The following MYO9A variants were observed in gnomAD, a reference collection of about 807,000 sequenced individuals.
MYO9A encodes the protein myosin IXA, also known as unconventional myosin-IXa.
MYO9A carries 103 observed loss-of-function variants against 293.3 expected under a neutral mutation model. The ratio of observed to expected loss-of-function variants is 0.35; its 90% CI spans 0.30 to 0.41. The LOEUF (loss-of-function observed/expected upper bound fraction) is 0.41, where lower values mean the gene tolerates loss of function less well. Among genes scored for constraint, MYO9A ranks in the 10% least tolerant of loss-of-function variants. The probability of loss-of-function intolerance (pLI) is 1.00; values close to 1 mark genes in which losing one functional copy is unlikely to be tolerated. For synonymous variants in MYO9A, 1,001 were observed against 1,035.7 expected (o/e 0.97, Z 0.64); for missense variants, 2,685 against 3,033.0 (o/e 0.89, Z 2.69).
chr15:71,884,978 A>T (rs1325572624), intron 27 of MYO9A, among the ~76,000 whole-genome samples: 3 of 139,538 alleles, frequency 2.1e-5, no homozygotes, highest in African/African-American at 6.0e-5. Flanking sequence ...TTTTTTTTTA[A>T]AAAAAAGCTT....
chr15:71,965,743 AAAAC>A (rs760153421), intron 13 of MYO9A, among the ~76,000 whole-genome samples: 12 of 152,236 alleles, frequency 7.9e-5, no homozygotes, highest in Non-Finnish European at 1.2e-4. Context: ...ACTCCGTCTC[AAAAC>A]AAACAAACAA....
chr15:71,830,904 T>C (rs147759353), intron 39 of MYO9A, among the ~76,000 whole-genome samples: 222 of 151,714 alleles, frequency 1.5e-3, no homozygotes, highest in African/African-American at 4.7e-3. Context: ...AGGGTGCTAG[T>C]GAGATATATT....
chr15:72,001,191 G>T (rs1403174719), intron 8 of MYO9A, among the ~76,000 whole-genome samples: 1 of 152,086 alleles, frequency 6.6e-6, no homozygotes, highest in Non-Finnish European at 1.5e-5. Flanking sequence ...TTTTATAAAA[G>T]TATCCATACA....
chr15:72,109,457 G>A (rs554253954), intron 1 of MYO9A, among the ~76,000 whole-genome samples: 64 of 151,492 alleles, frequency 4.2e-4, no homozygotes, highest in African/African-American at 1.5e-3. Context: ...ATGGCATAAC[G>A]CTATCTTTTG....
intron 14 of MYO9A, among the ~76,000 whole-genome samples, chr15:71,952,675 G>A (rs1005903402): frequency 2.0e-5 from 3 of 152,124 alleles, no homozygotes; most frequent in Admixed American, 6.6e-5. Context: ...TTTATTCAGA[G>A]ATCACCTCTA....
intron 1 of MYO9A, among the ~76,000 whole-genome samples, chr15:72,090,664 T>C (rs1398021024): frequency 2.0e-5 from 3 of 152,194 alleles, no homozygotes; most frequent in Non-Finnish European, 4.4e-5. Context: ...CTGGGGTTTT[T>C]TGCAATATAA....
In MYO9A at chr15:71,898,871, G is replaced by A; in HGVS notation, c.3632C>T (p.Ser1211Phe). ...NRIKAIEECKSVIESNRISRE... is the reference protein window; with the variant it reads ...NRIKAIEECKFVIESNRISRE... Reference sequence around the variant, plus strand: ...GCTAATTCGATTACTCTCTATTACAGATTTACATTCCTCTATGGCTTTTAT... The same window carrying A: ...GCTAATTCGATTACTCTCTATTACAAATTTACATTCCTCTATGGCTTTTAT... Residue 1211 changes from serine to phenylalanine, a missense_variant, in exon 25 of 42, where the codon TCT (serine) becomes TTT (phenylalanine). By Grantham distance (155) the Ser-to-Phe change is radical. Transcript: ENST00000356056. The A allele has an allele frequency of 6.2e-7, 1 of 1,614,042 alleles. No individual in the cohort carries two copies. The highest frequency in any genetic ancestry group is 8.5e-7 in the Non-Finnish European group (1 of 1,179,982).
In MYO9A at chr15:71,897,464, G is replaced by C; in HGVS notation, c.5039C>G (p.Pro1680Arg). The stretch of plus-strand genomic sequence containing the variant: ...CATAAATAAACATTTCACTTACAGG[G>C]GAATACTCATATTGTCCTTTGGAGT... The part of the protein sequence containing the change: ...FFTPKDNMSI[P>R]LVSKEALNSK... The change falls in exon 25 of 42, where the codon CCC becomes CGC. Residue 1680 changes from proline to arginine, a missense_variant. This residue lies in a region of MYO9A where 1,434 missense variants were observed against 1,497.7 expected (regional missense o/e 0.96). Transcript: ENST00000356056. The C allele has an allele frequency of 1.9e-6, 3 of 1,602,678 alleles. No homozygotes were observed. The highest frequency in any genetic ancestry group is 2.6e-6 in the Non-Finnish European group (3 of 1,173,438).
At chr15:72,081,749 T>G (rs766001452) in intron 1 of MYO9A, among the ~76,000 whole-genome samples, 1 of 152,236 alleles carries the variant, frequency 6.6e-6, no homozygotes, top group Non-Finnish European at 1.5e-5. Context: ...CGTTTCAATC[T>G]TCTTCATACA....
At chr15:71,910,106 A>G (rs1327018352) in intron 19 of MYO9A, among the ~76,000 whole-genome samples, 2 of 143,038 alleles carry the variant, frequency 1.4e-5, no homozygotes, top group African/African-American at 5.4e-5. Flanking sequence ...ATATACGTAT[A>G]TATATACGTG....
chr15:72,070,210 G>A (rs920953501), intron 1 of MYO9A, among the ~76,000 whole-genome samples: 2 of 151,938 alleles, frequency 1.3e-5, no homozygotes, highest in Admixed American at 1.3e-4. Context: ...GGGAGGCCGA[G>A]GCAGATGGAT....
At chr15:71,978,360 GA>G (rs1408584718) in intron 11 of MYO9A, 68 bp from the exon 12 acceptor site, 2 of 1,347,024 alleles carry the variant, frequency 1.5e-6, no homozygotes, top group African/African-American at 3.0e-5. Flanking sequence ...AATATAGATT[GA>G]AAAGCTTTTA....
intron 15 of MYO9A, 72 bp from the exon 16 acceptor site, chr15:71,938,999 A>T (rs1225272024): frequency 3.4e-6 from 4 of 1,181,968 alleles, no homozygotes; most frequent in South Asian, 1.4e-5. Context: ...AGTTTTTCTA[A>T]AGACAAACGA....
At chr15:71,956,330 A>AAATATATATAT (rs10642655) in intron 14 of MYO9A, among the ~76,000 whole-genome samples, 3 of 75,580 alleles carry the variant, frequency 4.0e-5, no homozygotes, top group African/African-American at 1.2e-4. Context: ...AAAAAAAAAA[A>AAATATATATAT]ATATATATAT....
intron 19 of MYO9A, among the ~76,000 whole-genome samples, chr15:71,909,005 T>C (rs2057755986): frequency 1.3e-5 from 2 of 152,304 alleles, no homozygotes; most frequent in Admixed American, 6.5e-5. Flanking sequence ...TGGAATCTTA[T>C]GGTATGTAGC....
chr15:72,059,036 T>C (rs2149943666), intron 1 of MYO9A, among the ~76,000 whole-genome samples: 1 of 152,354 alleles, frequency 6.6e-6, no homozygotes, highest in East Asian at 1.9e-4. Context: ...TTAAAATCTT[T>C]ATCAAATGTT....
At chr15:71,903,828 T>C (rs2057552233) in intron 21 of MYO9A, 101 bp downstream of exon 21, 1 of 1,007,966 alleles carries the variant, frequency 9.9e-7, no homozygotes. Context: ...AAAGGAAGAA[T>C]TAAGGAAAAT....
At chr15:71,831,869 C>A (rs1315030884) in intron 39 of MYO9A, among the ~76,000 whole-genome samples, 1 of 152,160 alleles carries the variant, frequency 6.6e-6, no homozygotes, top group East Asian at 1.9e-4. Context: ...TTTAAAATAA[C>A]CATGCTGAAG....
At chr15:71,900,100 A>G in intron 23 of MYO9A, 94 bp from the exon 24 acceptor site, 1 of 1,273,548 alleles carries the variant, frequency 7.9e-7, no homozygotes, top group Non-Finnish European at 1.1e-6. Flanking sequence ...TGTCATAATT[A>G]CAGGTTAAGT....
Sources: allele counts gnomAD v4.1 joint callset (sites outside exome capture counted in the v4.1 genomes callset), GRCh38; gene constraint gnomAD v4.1.1; regional missense constraint gnomAD v4.1.1; transcripts MANE v1.5; gene names NCBI Gene and HGNC (gene_info 2026-07-23, HGNC 2026-07-21).